The following GALNT17 variants were observed in gnomAD, a reference collection of about 807,000 sequenced individuals.
The protein encoded by GALNT17 is polypeptide N-acetylgalactosaminyltransferase 17, also known as UDP-GalNAc:polypeptide N-acetylgalactosaminyltransferase-like 3.
Under a neutral mutation model 63.7 loss-of-function variants are expected in GALNT17, and 29 were observed. The ratio of observed to expected loss-of-function variants is 0.46; its 90% CI spans 0.34 to 0.62. The LOEUF (loss-of-function observed/expected upper bound fraction) is 0.62, where lower values mean the gene tolerates loss of function less well. GALNT17 is among the 20% of genes least tolerant of loss of function. The pLI is 0.01. For missense variants in GALNT17, 603 were observed against 799.6 expected (o/e 0.75, Z 2.97); for synonymous variants, 305 against 318.3 (o/e 0.96, Z 0.45).
intron 5 of GALNT17, among the ~76,000 whole-genome samples, chr7:71,484,500 T>C (rs1787876799): frequency 6.6e-6 from 1 of 152,048 alleles, no homozygotes; most frequent in African/African-American, 2.4e-5. Flanking sequence ...AAAAAACTAG[T>C]ATGTATTGGA....
chr7:71,552,494 G>T (rs1789097636), intron 5 of GALNT17, among the ~76,000 whole-genome samples: 2 of 150,650 alleles, frequency 1.3e-5, no homozygotes, highest in Admixed American at 1.3e-4. Flanking sequence ...AGGCTGGAGT[G>T]CAGTGGTGTA....
chr7:71,438,338 TC>T (rs1304813297), intron 5 of GALNT17, among the ~76,000 whole-genome samples: 2 of 152,198 alleles, frequency 1.3e-5, no homozygotes, highest in Non-Finnish European at 2.9e-5. Flanking sequence ...GCTAGTCTAG[TC>T]ATTTCACGTT....
chr7:71,695,264 C>CT (rs1791523003), intron 9 of GALNT17, among the ~76,000 whole-genome samples: 1 of 152,214 alleles, frequency 6.6e-6, no homozygotes, highest in Non-Finnish European at 1.5e-5. Flanking sequence ...CTATCCGCTC[C>CT]TAGAACTGTC....
At chr7:71,480,371 C>T (rs1342922566) in intron 5 of GALNT17, among the ~76,000 whole-genome samples, 1 of 151,894 alleles carries the variant, frequency 6.6e-6, no homozygotes, top group Non-Finnish European at 1.5e-5. Context: ...GGCCATGCCT[C>T]TCCTGGGCAG....
intron 5 of GALNT17, among the ~76,000 whole-genome samples, chr7:71,436,631 A>G (rs1217696561): frequency 1.3e-5 from 2 of 151,886 alleles, no homozygotes; most frequent in African/African-American, 4.8e-5. Flanking sequence ...AGGCAGGAGA[A>G]TGGTGTGAAC....
intron 1 of GALNT17, among the ~76,000 whole-genome samples, chr7:71,272,063 C>T (rs1287870389): frequency 6.6e-6 from 1 of 152,146 alleles, no homozygotes; most frequent in African/African-American, 2.4e-5. Context: ...CCAGTTGTCC[C>T]CTATTTCTAT....
intron 6 of GALNT17, among the ~76,000 whole-genome samples, chr7:71,615,399 T>C (rs76520243): frequency 0.039 from 5,954 of 152,008 alleles, 394 homozygotes; most frequent in African/African-American, 0.14. Context: ...AGATGTGGCT[T>C]TTCCAGCCTG....
chr7:71,300,505 G>C (rs1345244876), intron 1 of GALNT17: 1 of 436,090 alleles, frequency 2.3e-6, no homozygotes, highest in Non-Finnish European at 4.6e-6. Context: ...AAATGGAGGT[G>C]GGTTATTTTC....
chr7:71,470,686 C>T (rs1241743058), intron 5 of GALNT17, among the ~76,000 whole-genome samples: 1 of 152,192 alleles, frequency 6.6e-6, no homozygotes, highest in African/African-American at 2.4e-5. Flanking sequence ...AGGGGACCCT[C>T]AAGTTCTAAA....
intron 1 of GALNT17, among the ~76,000 whole-genome samples, chr7:71,267,367 G>GTT (rs11297482): frequency 3.4e-5 from 5 of 146,388 alleles, no homozygotes; most frequent in Non-Finnish European, 4.5e-5. Context: ...GGATTTTCTA[G>GTT]TTTTTTTTTT....
chr7:71,147,037 AT>A (rs1405029654), intron 1 of GALNT17, among the ~76,000 whole-genome samples: 1 of 152,092 alleles, frequency 6.6e-6, no homozygotes. Context: ...AAGAGCATGA[AT>A]TTGGGTTCAG....
chr7:71,572,146 T>C (rs994757204), intron 6 of GALNT17, among the ~76,000 whole-genome samples: 9 of 150,780 alleles, frequency 6.0e-5, no homozygotes, highest in Non-Finnish European at 1.2e-4. Flanking sequence ...GGAAGCCGAG[T>C]CAGGAGGATC....
At chr7:71,565,247 A>G (rs1244689481) in intron 5 of GALNT17, among the ~76,000 whole-genome samples, 3 of 148,236 alleles carry the variant, frequency 2.0e-5, no homozygotes, top group African/African-American at 7.6e-5. Context: ...AGCCTAAGCA[A>G]CAGGGTGAGA....
rs150267471 is a variant in GALNT17 at position 71,403,806 on chromosome 7, T to TC, written c.590-12079dup. Among the ~76,000 whole-genome samples, 513 of 152,296 alleles carry TC rather than the reference T, an allele frequency of 3.4e-3. 6 individuals carry two copies. Among genetic ancestry groups the TC allele is most frequent in the African/African-American group, 0.012 (497 of 41,562 alleles). ...CAAGCACCAGCGTGTAACCCTGTTC[T>TC]CCCCAGGGCTTTACATTTCTTGTGT... On this transcript the variant is annotated intron_variant, in intron 3 of 10. Coordinates refer to ENST00000333538, the MANE Select transcript of GALNT17 (RefSeq NM_022479.3).
At chr7:71,448,145 A>G (rs1256455449) in intron 5 of GALNT17, among the ~76,000 whole-genome samples, 2 of 152,214 alleles carry the variant, frequency 1.3e-5, no homozygotes, top group African/African-American at 4.8e-5. Context: ...CTTACTTCCA[A>G]CATGGCTATT....
chr7:71,603,475 C>T (rs1044263066), intron 6 of GALNT17, among the ~76,000 whole-genome samples: 20 of 152,074 alleles, frequency 1.3e-4, no homozygotes, highest in Admixed American at 8.5e-4. Flanking sequence ...ATGTTAAGTG[C>T]GTACACTGGA....
chr7:71,538,358 A>G (rs1308248034), intron 5 of GALNT17, among the ~76,000 whole-genome samples: 1 of 152,150 alleles, frequency 6.6e-6, no homozygotes, highest in African/African-American at 2.4e-5. Context: ...CCATCAGCCC[A>G]TAAACCAGCG....
intron 9 of GALNT17, among the ~76,000 whole-genome samples, chr7:71,695,358 C>G (rs2117102659): frequency 6.6e-6 from 1 of 152,268 alleles, no homozygotes; most frequent in South Asian, 2.1e-4. Flanking sequence ...TTTCTGGAAA[C>G]ATAGTGCTTG....
At chr7:71,357,815 C>T (rs1001977145) in intron 2 of GALNT17, among the ~76,000 whole-genome samples, 11 of 152,070 alleles carry the variant, frequency 7.2e-5, no homozygotes, top group Admixed American at 1.3e-4. Flanking sequence ...CACCAATCAG[C>T]GCCCTGTAGC....
Sources: gnomAD v4.1 joint callset for allele counts (sites outside exome capture counted in the v4.1 genomes callset) on GRCh38, gnomAD v4.1.1 for gene constraint, MANE v1.5 for transcripts, NCBI Gene and HGNC (gene_info 2026-07-23, HGNC 2026-07-21) for gene names.